SHCBP1: variants seen among roughly 807,000 people sequenced by gnomAD.
SHCBP1 encodes the protein SHC SH2 domain-binding protein 1.
SHCBP1 carries 60 observed loss-of-function variants against 75.1 expected under a neutral mutation model. The observed-to-expected ratio is 0.80, with a 90% CI of 0.65 to 0.99. The LOEUF (loss-of-function observed/expected upper bound fraction) is 0.99. Ranked by LOEUF, SHCBP1 falls within the 50% of genes least tolerant of loss-of-function variation. SHCBP1 has a pLI of 0.00. For missense variants in SHCBP1, 709 were observed against 809.4 expected, an observed-to-expected ratio of 0.88 and a Z score of 1.50; for synonymous variants, 290 against 293.2, an observed-to-expected ratio of 0.99 and a Z score of 0.11.
At chr16:46,596,213 A>ATAATT (rs968980265) in intron 9 of SHCBP1, among the ~76,000 whole-genome samples, 3 of 152,182 alleles carry the variant, frequency 2.0e-5, no homozygotes, top group Non-Finnish European at 2.9e-5. Context: ...ACATAAAAAA[A>ATAATT]TAATTTTCTA....
rs981736563 is a variant in SHCBP1 at position 46,591,694 on chromosome 16, G to A, written c.1464+3858C>T. On this transcript the variant is annotated intron_variant, in intron 10 of 12. Transcript: ENST00000303383. ...ATAGAATATACCACCCAATGACAGC[G>A]GAATACACATTCTTTTCATTTGCTC... 9.9e-5 allele frequency among the ~76,000 whole-genome samples: 15 copies of A among 151,588 alleles called. No homozygotes were observed. In the South Asian group the frequency reaches 1.9e-3, roughly 19 times the overall value.
chr16:46,606,763 G>A (rs1465766587), intron 5 of SHCBP1, among the ~76,000 whole-genome samples: 1 of 151,692 alleles, frequency 6.6e-6, no homozygotes, highest in Non-Finnish European at 1.5e-5. Flanking sequence ...CATTTACGAA[G>A]AGCTAAAATC....
chr16:46,607,862 A>G lies in SHCBP1; in HGVS notation c.689+435T>C, dbSNP rs150776350. 3.0e-3 allele frequency among the ~76,000 whole-genome samples: 457 copies of G among 152,338 alleles called. 2 individuals carry two copies. Among genetic ancestry groups the G allele is most frequent in the African/African-American group, 0.01 (433 of 41,572 alleles). ...ACTTAGAGTAAAGCCATATACCTTT[A>G]AAGTATTCTTTACAAAATTAAAGCC... On this transcript the variant is annotated intron_variant, in intron 5 of 12. Coordinates refer to ENST00000303383, the MANE Select transcript of SHCBP1 (RefSeq NM_024745.5).
At chr16:46,585,298 G>A (rs1206764003) in intron 10 of SHCBP1, among the ~76,000 whole-genome samples, 1 of 152,070 alleles carries the variant, frequency 6.6e-6, no homozygotes, top group Admixed American at 6.6e-5. Context: ...GGATGATGGA[G>A]TAGATGTCCC....
At chr16:46,592,136 TA>T (rs1441188483) in intron 10 of SHCBP1, among the ~76,000 whole-genome samples, 1 of 149,606 alleles carries the variant, frequency 6.7e-6, no homozygotes, top group African/African-American at 2.5e-5. Context: ...AAATTAAATC[TA>T]AAAAAAGAAC....
At chr16:46,611,892 C>T (rs1297393349) in intron 4 of SHCBP1, among the ~76,000 whole-genome samples, 1 of 152,166 alleles carries the variant, frequency 6.6e-6, no homozygotes, top group Non-Finnish European at 1.5e-5. Context: ...TGTCTAGAAC[C>T]TTTATTTCAT....
In SHCBP1 at chr16:46,578,900, T is replaced by C. The variant is rs139937585; in HGVS notation, c.*2829A>G. The stretch of plus-strand genomic sequence containing the variant: ...TTCTTATGAGCTCATCAGTGTTCTA[T>C]TGAACTTTCTTCAATCTCCCTCTGA... On this transcript the variant is annotated 3_prime_UTR_variant, in exon 13 of 13. Coordinates refer to ENST00000303383, the MANE Select transcript of SHCBP1 (RefSeq NM_024745.5). Among the ~76,000 whole-genome samples the C allele has an allele frequency of 2.5e-4, 38 of 152,318 alleles. No homozygotes were observed. The highest frequency in any genetic ancestry group is 8.9e-4 in the African/African-American group (37 of 41,592).
intron 8 of SHCBP1, among the ~76,000 whole-genome samples, chr16:46,602,791 C>T (rs1423206333): frequency 2.0e-5 from 3 of 152,186 alleles, no homozygotes; most frequent in East Asian, 3.9e-4. Flanking sequence ...ACAACATGCC[C>T]GGCTAATTTT....
intron 12 of SHCBP1, among the ~76,000 whole-genome samples, chr16:46,582,800 A>G (rs1419949608): frequency 1.3e-5 from 2 of 152,202 alleles, no homozygotes; most frequent in African/African-American, 4.8e-5. Context: ...ACTTGCAGAG[A>G]TGTAACTGGA....
At chr16:46,597,789 C>A (rs968519674) in intron 9 of SHCBP1, among the ~76,000 whole-genome samples, 33 of 152,216 alleles carry the variant, frequency 2.2e-4, no homozygotes, top group African/African-American at 8.0e-4. Context: ...GCACTTTACA[C>A]ACAGTAGAAG....
At chr16:46,606,492 T>C (rs964007671) in intron 5 of SHCBP1, among the ~76,000 whole-genome samples, 5 of 152,356 alleles carry the variant, frequency 3.3e-5, no homozygotes, top group African/African-American at 9.6e-5. Context: ...ATGTAAGTCA[T>C]TGCTTGTCGT....
chr16:46,593,997 A>C (rs1041298314), intron 10 of SHCBP1, among the ~76,000 whole-genome samples: 3 of 152,206 alleles, frequency 2.0e-5, no homozygotes, highest in Admixed American at 6.5e-5. Flanking sequence ...TTTAAGACTT[A>C]ATGTATAGCT....
At chr16:46,604,976 C>T (rs1238388694) in intron 5 of SHCBP1, among the ~76,000 whole-genome samples, 1 of 152,078 alleles carries the variant, frequency 6.6e-6, no homozygotes, top group East Asian at 1.9e-4. Flanking sequence ...GTAGAAATGA[C>T]TCAAACAATC....
intron 10 of SHCBP1, among the ~76,000 whole-genome samples, chr16:46,595,194 T>C (rs1390839046): frequency 6.6e-6 from 1 of 152,152 alleles, no homozygotes; most frequent in Admixed American, 6.5e-5. Context: ...AGTATTCTGG[T>C]TGTGATGTTG....
intron 10 of SHCBP1, among the ~76,000 whole-genome samples, chr16:46,588,762 A>C (rs1011763571): frequency 2.6e-5 from 4 of 152,224 alleles, no homozygotes; most frequent in African/African-American, 4.8e-5. Flanking sequence ...AGCTGGTACC[A>C]TTCCTTCTGA....
intron 4 of SHCBP1, among the ~76,000 whole-genome samples, chr16:46,613,775 T>A (rs1965454236): frequency 6.6e-6 from 1 of 152,256 alleles, no homozygotes; most frequent in African/African-American, 2.4e-5. Context: ...AGCTCCCTGA[T>A]GATGGTGTGT....
chr16:46,608,379 G>T lies in SHCBP1; in HGVS notation c.607C>A (p.Gln203Lys). 1 of 1,612,346 alleles carries T rather than the reference G, an allele frequency of 6.2e-7. No individual in the cohort carries two copies. Among genetic ancestry groups the T allele is most frequent in the South Asian group, 1.1e-5 (1 of 91,014 alleles). Residue 203 changes from glutamine to lysine, a missense_variant, in exon 5 of 13, where the codon CAA becomes AAA. By Grantham distance (53) the Gln-to-Lys change is moderately conservative (BLOSUM62 1). Coordinates refer to ENST00000303383, the MANE Select transcript of SHCBP1 (RefSeq NM_024745.5). ...TCATCCCAACTCCTCCAAATGTTTT[G>T]GTAGAAAAATCTGAAATGGAACTTA... ...LAIEHVRFFY[Q>K]NIWRSWDEEE...
At position 46,599,923 on chromosome 16, in the gene SHCBP1, C is replaced by T. The variant is rs373336645; in HGVS notation, c.1253G>A (p.Gly418Asp). The T allele has an allele frequency of 5.6e-5, 91 of 1,613,274 alleles. No individual in the cohort carries two copies. The highest frequency in any genetic ancestry group is 7.6e-5 in the Non-Finnish European group (90 of 1,179,804). The change falls in exon 9 of 13, where the codon GGC (glycine) becomes GAC (aspartate). Residue 418 changes from glycine to aspartate, a missense_variant. Physicochemically the swap from Gly to Asp is moderately conservative, Grantham distance 94 (BLOSUM62 -1). Transcript: ENST00000303383. ...GCAGTCCACAAAAGTGTCGCCTTTG[C>T]CCCTCTTTTCTATCACAATGTCATC... ...LPDDIVIEKR[G>D]KGDTFVDCTG...
In SHCBP1 at chr16:46,579,234, G is replaced by A. The variant is rs1596664299; in HGVS notation, c.*2495C>T. On this transcript the variant is annotated 3_prime_UTR_variant, in exon 13 of 13. Transcript: ENST00000303383. ...AGAAGGCTATCCTTTCTCCACATCA[G>A]TGTTTTCATCTCAAATATCAAACCC... Among the ~76,000 whole-genome samples the A allele has an allele frequency of 6.6e-6, 1 of 152,108 alleles. No homozygotes were observed. Among genetic ancestry groups the A allele is most frequent in the African/African-American group, 2.4e-5 (1 of 41,404 alleles).
Sources: allele counts gnomAD v4.1 joint callset (sites outside exome capture counted in the v4.1 genomes callset), GRCh38; gene constraint gnomAD v4.1.1; transcripts MANE v1.5; gene names NCBI Gene and HGNC (gene_info 2026-07-23, HGNC 2026-07-21).